Variants in LRRC39 observed in about 807,000 individuals in gnomAD.
The protein encoded by LRRC39 is leucine-rich repeat-containing protein 39.
LRRC39 carries 35 observed loss-of-function variants against 39.7 expected under a neutral mutation model. The ratio of observed to expected loss-of-function variants is 0.88; its 90% CI spans 0.67 to 1.17. The LOEUF is 1.17. Ranked by LOEUF, LRRC39 falls within the 50% of genes most tolerant of loss-of-function variation. LRRC39 has a pLI of 0.00. For synonymous variants in LRRC39, 113 were observed against 134.1 expected, an observed-to-expected ratio of 0.84 and a Z score of 1.09; for missense variants, 357 against 385.8, an observed-to-expected ratio of 0.93 and a Z score of 0.62.
intron 9 of LRRC39, among the ~76,000 whole-genome samples, chr1:100,151,126 CAAAAAAAAAA>C (rs772782982): frequency 1.4e-4 from 6 of 43,668 alleles, no homozygotes; most frequent in African/African-American, 1.8e-4. Flanking sequence ...AGAAACTCCT[CAAAAAAAAAA>C]AAAAAAAAAA....
At chr1:100,161,489 A>G (rs896466857) in intron 3 of LRRC39, among the ~76,000 whole-genome samples, 5 of 152,198 alleles carry the variant, frequency 3.3e-5, no homozygotes, top group East Asian at 3.8e-4. Flanking sequence ...TTGTTTACCA[A>G]TTCATCAACT....
At chr1:100,149,145 G>GT in intron 9 of LRRC39, 48 bp from the exon 10 acceptor site, 1 of 1,563,606 alleles carries the variant, frequency 6.4e-7, no homozygotes, top group Non-Finnish European at 8.6e-7. Context: ...ATTTCTGTTT[G>GT]TATTAATTTT....
chr1:100,152,527 A>G lies in LRRC39; in HGVS notation c.813-3T>C. On this transcript the variant is annotated splice_polypyrimidine_tract_variant and splice_region_variant and intron_variant, in intron 8 of 9. Transcript: ENST00000370137. ...GGTTGTCTCTGAAGTTGACAAACCT[A>G]GAAGTTCATCAAAAAACAGTATTTT... 1 of 1,612,832 alleles carries G rather than the reference A, an allele frequency of 6.2e-7. No homozygotes were observed. Among genetic ancestry groups the G allele is most frequent in the Non-Finnish European group, 8.5e-7 (1 of 1,179,566 alleles).
chr1:100,157,708 TC>T (rs963397523), intron 6 of LRRC39, among the ~76,000 whole-genome samples: 1 of 152,240 alleles, frequency 6.6e-6, no homozygotes, highest in Non-Finnish European at 1.5e-5. Flanking sequence ...GTCATTGTTT[TC>T]AAAGCCAAAG....
At chr1:100,163,656 C>A (rs1327409834) in intron 3 of LRRC39, among the ~76,000 whole-genome samples, 1 of 150,316 alleles carries the variant, frequency 6.7e-6, no homozygotes, top group Non-Finnish European at 1.5e-5. Flanking sequence ...TGGTCTCGAA[C>A]TCCTAAGCTC....
In LRRC39 at chr1:100,152,452, T is replaced by C. The variant is rs1437944342; in HGVS notation, c.885A>G (p.Glu295=). 6 of 1,593,892 alleles carry C rather than the reference T, an allele frequency of 3.8e-6. No individual in the cohort carries two copies. The highest frequency in any genetic ancestry group is 2.2e-5 in the East Asian group (1 of 44,874). Residue 295 remains glutamate (E), a synonymous_variant, in exon 9 of 10, where the codon GAA becomes GAG. Transcript: ENST00000370137. The stretch of plus-strand genomic sequence containing the variant: ...GAAGGCCAAATAATTCCCGTTCCTC[T>C]TCTTCATCTGTGCCTTCACTGGGAG... The part of the protein sequence containing the change: ...SLPPSEGTDE[E]EERELFGLQF...
chr1:100,158,363 C>T lies in LRRC39; in HGVS notation c.381G>A (p.Leu127=), dbSNP rs758579011. Residue 127 remains leucine (L), a synonymous_variant, in exon 6 of 10, where the codon CTG becomes CTA. Coordinates refer to ENST00000370137, the MANE Select transcript of LRRC39 (RefSeq NM_144620.4). ...TISEIPPGIG[L]LTRLQELILS... is the part of the protein sequence containing the mutation. ...GAATCAGTTCCTGAAGTCTAGTAAGCAGTCCTATAAAAAATAATATACAAT... is the reference window on the plus strand; with the variant it reads ...GAATCAGTTCCTGAAGTCTAGTAAGTAGTCCTATAAAAAATAATATACAAT... 1.2e-6 allele frequency: 2 copies of T among 1,611,914 alleles called. No homozygotes were observed. The highest frequency in any genetic ancestry group is 1.7e-6 in the Non-Finnish European group (2 of 1,178,330).
intron 1 of LRRC39, among the ~76,000 whole-genome samples, chr1:100,174,176 A>G (rs1659811776): frequency 6.6e-6 from 1 of 152,194 alleles, no homozygotes; most frequent in South Asian, 2.1e-4. Context: ...ATTCATCAAG[A>G]TCTCTTTTAA....
rs1657627920 is a variant in LRRC39 at position 100,148,747 on chromosome 1, C to T, written c.*295G>A. 6.3e-7 allele frequency: 1 copy of T among 1,576,620 alleles called. No homozygotes were observed. On this transcript the variant is annotated 3_prime_UTR_variant, in exon 10 of 10. Transcript: ENST00000370137. Reference sequence around the variant, plus strand: ...CCTGCTTTGCAGTACTATACAGACCCTCTGGTGTCTTTGGAAAATGTTTTG... The same window carrying T: ...CCTGCTTTGCAGTACTATACAGACCTTCTGGTGTCTTTGGAAAATGTTTTG...
chr1:100,175,276 AGCCT>A (rs543092936), intron 1 of LRRC39, among the ~76,000 whole-genome samples: 75 of 151,260 alleles, frequency 5.0e-4, no homozygotes, highest in African/African-American at 1.8e-3. Flanking sequence ...GGCTTATAGT[AGCCT>A]TGATCTCCTG....
rs1290454308 is a variant in LRRC39 at position 100,152,479 on chromosome 1, A to G, written c.858T>C (p.Leu286=). The change falls in exon 9 of 10, where the codon CTT becomes CTC. Residue 286 remains leucine (L), a synonymous_variant. Coordinates refer to ENST00000370137, the MANE Select transcript of LRRC39 (RefSeq NM_144620.4). ...CTTCATCTGTGCCTTCACTGGGAGG[A>G]AGTGATACTTTCAATTTCAGTGGGT... ...RDNPLKLKVS[L]PPSEGTDEEE... The G allele has an allele frequency of 6.2e-7, 1 of 1,614,054 alleles. No individual in the cohort carries two copies. Among genetic ancestry groups the G allele is most frequent in the South Asian group, 1.1e-5 (1 of 91,070 alleles).
At chr1:100,154,011 G>A (rs1658266650) in intron 8 of LRRC39, among the ~76,000 whole-genome samples, 2 of 150,590 alleles carry the variant, frequency 1.3e-5, no homozygotes, top group South Asian at 2.1e-4. Context: ...TGTGAGTGAA[G>A]TTTTTTTAGC....
chr1:100,163,548 A>G (rs1469672915), intron 3 of LRRC39, among the ~76,000 whole-genome samples: 1 of 151,048 alleles, frequency 6.6e-6, no homozygotes, highest in African/African-American at 2.4e-5. Flanking sequence ...AATGATATCT[A>G]TGTATTTTCC....
chr1:100,159,228 A>G, intron 5 of LRRC39, 31 bp downstream of exon 5: 2 of 1,549,082 alleles, frequency 1.3e-6, no homozygotes, highest in South Asian at 2.6e-5. Flanking sequence ...GGTGGATAAA[A>G]TAGCACAGGA....
intron 1 of LRRC39, among the ~76,000 whole-genome samples, chr1:100,176,602 A>C (rs970025860): frequency 1.3e-5 from 2 of 152,236 alleles, no homozygotes; most frequent in Admixed American, 6.5e-5. Context: ...GACACTGTAC[A>C]AGAAAGCCAC....
intron 3 of LRRC39, among the ~76,000 whole-genome samples, chr1:100,166,253 C>T (rs981972576): frequency 3.9e-5 from 6 of 152,074 alleles, no homozygotes; most frequent in Admixed American, 2.0e-4. Flanking sequence ...AAATTGGTAC[C>T]GATAGAGTGG....
In LRRC39 at chr1:100,156,231, G is replaced by C. The variant is rs1244525611; in HGVS notation, c.600C>G (p.Ala200=). The stretch of plus-strand genomic sequence containing the variant: ...TGCTTCCCATGTCCAGCCACTCAAG[G>C]GCAGGCATGTTCAACACAGCAAGAG... The part of the protein sequence containing the change: ...TIPLAVLNMP[A]LEWLDMGSNK... Residue 200 remains alanine, a synonymous_variant, in exon 7 of 10, where the codon GCC becomes GCG. Transcript: ENST00000370137. 4 of 1,613,738 alleles carry C rather than the reference G, an allele frequency of 2.5e-6. No homozygotes were observed. The highest frequency in any genetic ancestry group is 3.3e-4 in the Middle Eastern group (2 of 6,082).
intron 2 of LRRC39, among the ~76,000 whole-genome samples, chr1:100,173,005 C>T (rs1179062535): frequency 1.3e-5 from 2 of 150,046 alleles, no homozygotes; most frequent in African/African-American, 4.9e-5. Flanking sequence ...AAGATCATGC[C>T]ACTGCACGCC....
At chr1:100,171,190 A>T (rs998378725) in intron 2 of LRRC39, among the ~76,000 whole-genome samples, 1 of 152,244 alleles carries the variant, frequency 6.6e-6, no homozygotes, top group African/African-American at 2.4e-5. Context: ...TTGCACAAGC[A>T]GTTTAAAACT....
Sources: gnomAD v4.1 joint callset for allele counts (sites outside exome capture counted in the v4.1 genomes callset) on GRCh38, gnomAD v4.1.1 for gene constraint, MANE v1.5 for transcripts, NCBI Gene and HGNC (gene_info 2026-07-23, HGNC 2026-07-21) for gene names.